Variants in TCF4 observed in about 807,000 individuals in gnomAD.
The protein encoded by TCF4 is SL3-3 enhancer factor 2.
In TCF4, 3 loss-of-function variants were observed where a neutral mutation model predicts 82.1. That is an observed-to-expected ratio of 0.04 (90% CI 0.02 to 0.09). TCF4 has a LOEUF of 0.09. TCF4 is among the 10% of genes least tolerant of loss of function. The pLI, the probability that TCF4 is intolerant of heterozygous loss-of-function variation, is 1.00. For missense variants in TCF4, 518 were observed against 852.7 expected (o/e 0.61, Z 4.89); for synonymous variants, 276 against 309.6 (o/e 0.89, Z 1.14).
At chr18:55,249,136 C>A (rs1216013913) in intron 15 of TCF4, among the ~76,000 whole-genome samples, 1 of 152,148 alleles carries the variant, frequency 6.6e-6, no homozygotes, top group Non-Finnish European at 1.5e-5. Flanking sequence ...GGGCAATGGG[C>A]TGATTTCCAG....
intron 2 of TCF4, chr18:55,585,738 T>C: frequency 9.1e-7 from 1 of 1,094,736 alleles, no homozygotes; most frequent in African/African-American, 1.6e-5. Context: ...GCCATAAACG[T>C]GGCAATGTCC....
rs1350410911 is a variant in TCF4, at chr18:55,227,996, CTCT to C, written c.*36_*38del. On this transcript the variant is annotated 3_prime_UTR_variant, in exon 20 of 20. Transcript: ENST00000354452. ...ATAATACAGCTGTTAAGGAAGTGGTCTCTTGTTTTAATGAAGCAATGTGGCAAC... is the reference window on the plus strand; with the variant it reads ...ATAATACAGCTGTTAAGGAAGTGGTCTGTTTTAATGAAGCAATGTGGCAAC... 2 of 534,314 alleles carry C rather than the reference CTCT, an allele frequency of 3.7e-6. No individual in the cohort carries two copies. The highest frequency in any genetic ancestry group is 1.9e-5 in the African/African-American group (1 of 52,288). The allele number at this position is 534,314 out of a possible 1,614,324, so 33.1% of individuals were successfully genotyped here. A position where few individuals can be genotyped will look rare whatever the true frequency, so the allele number is the denominator to read the frequency against.
At chr18:55,298,453 T>C (rs994383247) in intron 8 of TCF4, among the ~76,000 whole-genome samples, 13 of 152,190 alleles carry the variant, frequency 8.5e-5, no homozygotes, top group Non-Finnish European at 1.6e-4. Context: ...ACAACCCATA[T>C]ACTACGGTTT....
Position 55,322,229 on chromosome 18 carries a change from A to C in TCF4, c.549+28130T>G, listed in dbSNP as rs150465481. On this transcript the variant is annotated intron_variant, in intron 8 of 19. Coordinates refer to ENST00000354452, the MANE Select transcript of TCF4 (RefSeq NM_001083962.2). ...TATTGAGCAGAATACAAATGCAGTT[A>C]ATTGACTCCCCCTCTCTCTCTCTCC... The C allele has an allele frequency of 1.2e-3, 1,237 of 1,055,396 alleles. 1 individual carries two copies. Among genetic ancestry groups the C allele is most frequent in the Non-Finnish European group, 1.4e-3 (1,184 of 876,086 alleles). 65.4% of individuals were successfully genotyped at this position (1,055,396 alleles called of 1,614,324 possible). A position where few individuals can be genotyped will look rare whatever the true frequency, so the allele number is the denominator to read the frequency against.
intron 15 of TCF4, among the ~76,000 whole-genome samples, chr18:55,247,174 G>A (rs937006479): frequency 3.9e-5 from 6 of 152,314 alleles, no homozygotes; most frequent in African/African-American, 1.2e-4. Context: ...GACAGCACTC[G>A]TGTAGAAAGA....
At position 55,537,890 on chromosome 18, in the gene TCF4, GATAA is replaced by G. The variant is rs1411629344; in HGVS notation, c.145+47386_145+47389del. On this transcript the variant is annotated intron_variant, in intron 3 of 19. Coordinates refer to ENST00000354452, the MANE Select transcript of TCF4 (RefSeq NM_001083962.2). ...CTATGGGACTTATGCACCCAGGAAG[GATAA>G]ATAGATTTTTAATTCACAAGAGAAT... 2.6e-5 allele frequency among the ~76,000 whole-genome samples: 4 copies of G among 152,090 alleles called. No homozygotes were observed. The East Asian group carries it at 7.7e-4, about 29-fold the overall frequency.
chr18:55,309,811 T>C (rs1337534614), intron 8 of TCF4, among the ~76,000 whole-genome samples: 1 of 152,186 alleles, frequency 6.6e-6, no homozygotes, highest in African/African-American at 2.4e-5. Context: ...ACATATGGAC[T>C]ATAAGAGAAA....
chr18:55,279,962 CTTCT>C (rs1482243391), intron 8 of TCF4, among the ~76,000 whole-genome samples: 3 of 152,114 alleles, frequency 2.0e-5, no homozygotes, highest in Non-Finnish European at 4.4e-5. Context: ...AGTCTAAGCA[CTTCT>C]TTCTTTTTCT....
chr18:55,635,232 T>C (rs113199801), intron 1 of TCF4, among the ~76,000 whole-genome samples: 18 of 152,190 alleles, frequency 1.2e-4, no homozygotes, highest in Non-Finnish European at 2.9e-5. Context: ...GGCAGGGCCA[T>C]GCGTGGTGGC....
Position 55,552,725 on chromosome 18 carries a change from A to G in TCF4, c.145+32555T>C, listed in dbSNP as rs2097270863. Among the ~76,000 whole-genome samples the G allele has an allele frequency of 1.3e-5, 2 of 152,230 alleles. 1 individual carries two copies. The highest frequency in any genetic ancestry group is 4.1e-4 in the South Asian group (2 of 4,834). ...ATTGACGTGTTCTGCCATCACCAAC[A>G]GCTGCAGAACCCCCGGACTGAACCG... is the stretch of plus-strand genomic sequence containing the variant. On this transcript the variant is annotated intron_variant, in intron 3 of 19. Coordinates refer to ENST00000354452, the MANE Select transcript of TCF4 (RefSeq NM_001083962.2).
At chr18:55,589,591 A>G, upstream of TCF4, 2 of 1,043,320 alleles carry the variant, frequency 1.9e-6, no homozygotes, top group Non-Finnish European at 2.3e-6. Context: ...TGAACACAGG[A>G]TAGTTATAAT....
At position 55,362,438 on chromosome 18, in the gene TCF4, A is replaced by G. The variant is rs59588541; in HGVS notation, c.370-11435T>C. Reference sequence around the variant, plus strand: ...GGAAGGAAGGAAGGAAGGAAGGAAAAAAAAAAAGAAGAAAACATGTATCTG... The same window carrying G: ...GGAAGGAAGGAAGGAAGGAAGGAAAGAAAAAAAGAAGAAAACATGTATCTG... On this transcript the variant is annotated intron_variant, in intron 6 of 19. Coordinates refer to ENST00000354452, the MANE Select transcript of TCF4 (RefSeq NM_001083962.2). Among the ~76,000 whole-genome samples, 226 of 124,568 alleles carry G rather than the reference A, an allele frequency of 1.8e-3. 17 individuals are homozygous for G. Among genetic ancestry groups the G allele is most frequent in the African/African-American group, 4.6e-3 (132 of 28,450 alleles). The allele number at this position is 124,568 out of a possible 152,430, so 81.7% of individuals were successfully genotyped here.
intron 3 of TCF4, among the ~76,000 whole-genome samples, chr18:55,573,995 C>T (rs181785825): frequency 2.7e-3 from 417 of 152,216 alleles, no homozygotes; most frequent in Non-Finnish European, 4.7e-3. Context: ...AAAAGATAAG[C>T]ATGTATATCT....
intron 4 of TCF4, 43 bp downstream of exon 4, chr18:55,464,033 T>C: frequency 6.4e-7 from 1 of 1,562,458 alleles, no homozygotes; most frequent in African/African-American, 1.4e-5. Context: ...AATTTACATA[T>C]GTGGGATGTC....
intron 6 of TCF4, among the ~76,000 whole-genome samples, chr18:55,362,339 G>GAGGAAGGAAGGAAGGAAGGAAGGAAGGA (rs765447444): frequency 4.4e-5 from 3 of 68,564 alleles, no homozygotes; most frequent in Non-Finnish European, 7.9e-5. Flanking sequence ...AAAAAAAAAA[G>GAGGAAGGAAGGAAGGAAGGAAGGAAGGA]AGGAAGGAAG....
intron 5 of TCF4, among the ~76,000 whole-genome samples, chr18:55,406,570 G>T (rs114339246): frequency 6.6e-6 from 1 of 152,126 alleles, no homozygotes; most frequent in African/African-American, 2.4e-5. Context: ...TTTCAAGAGC[G>T]CTGATAACAT....
chr18:55,333,328 T>A (rs1435458788), intron 8 of TCF4, among the ~76,000 whole-genome samples: 2 of 152,108 alleles, frequency 1.3e-5, no homozygotes, highest in African/African-American at 4.8e-5. Context: ...TCTCCTTATA[T>A]TCCTTTCTTT....
chr18:55,564,079 G>A (rs1041065856), intron 3 of TCF4, among the ~76,000 whole-genome samples: 2 of 152,158 alleles, frequency 1.3e-5, no homozygotes, highest in South Asian at 2.1e-4. Flanking sequence ...AAAGAAAGTC[G>A]CCGTGAGAAA....
intron 8 of TCF4, among the ~76,000 whole-genome samples, chr18:55,334,948 C>T (rs1240050406): frequency 2.6e-5 from 4 of 152,186 alleles, no homozygotes; most frequent in Admixed American, 2.6e-4. Flanking sequence ...CAAATTGGTA[C>T]TATGTTTTAA....
Sources: gnomAD v4.1 joint callset for allele counts (sites outside exome capture counted in the v4.1 genomes callset) on GRCh38, gnomAD v4.1.1 for gene constraint, MANE v1.5 for transcripts, NCBI Gene and HGNC (gene_info 2026-07-23, HGNC 2026-07-21) for gene names.